The following GPC5 variants were observed in gnomAD, a reference collection of about 807,000 sequenced individuals.
GPC5 encodes the protein glypican 5.
GPC5 carries 47 observed loss-of-function variants against 53.9 expected under a neutral mutation model. That is an observed-to-expected ratio of 0.87 (90% confidence interval 0.69 to 1.11). The LOEUF (loss-of-function observed/expected upper bound fraction) is 1.11. Ranked by LOEUF, GPC5 falls within the 50% of genes most tolerant of loss-of-function variation. The probability of loss-of-function intolerance (pLI) is 0.00; values close to 1 mark genes in which losing one functional copy is unlikely to be tolerated. For synonymous variants in GPC5, 286 were observed against 263.3 expected, an observed-to-expected ratio of 1.09 and a Z score of -0.84; for missense variants, 748 against 713.1, an observed-to-expected ratio of 1.05 and a Z score of -0.56.
At chr13:91,601,473 C>A (rs1254057449) in intron 2 of GPC5, among the ~76,000 whole-genome samples, 1 of 152,152 alleles carries the variant, frequency 6.6e-6, no homozygotes, top group African/African-American at 2.4e-5. Flanking sequence ...CCCTACCAGT[C>A]CGTGGCCTGT....
At chr13:91,739,679 G>A (rs748562593) in intron 4 of GPC5, among the ~76,000 whole-genome samples, 14 of 151,262 alleles carry the variant, frequency 9.3e-5, no homozygotes, top group Admixed American at 7.9e-4. Context: ...TTCACATTGC[G>A]GCTAACTTCC....
rs1273583920 is a variant in GPC5 at position 92,347,917 on chromosome 13, A to G, written c.1561+202928A>G. 4.2e-3 allele frequency among the ~76,000 whole-genome samples: 66 copies of G among 15,836 alleles called. 24 individuals carry two copies. Among genetic ancestry groups the G allele is most frequent in the Admixed American group, 8.2e-3 (8 of 976 alleles). 10.4% of individuals were successfully genotyped at this position (15,836 alleles called of 152,430 possible). ...TATATATATAATATATATATAATATATATATATTATATATACATCTTATAT... is the reference window on the plus strand; with the variant it reads ...TATATATATAATATATATATAATATGTATATATTATATATACATCTTATAT... On this transcript the variant is annotated intron_variant, in intron 7 of 7. Coordinates refer to ENST00000377067, the MANE Select transcript of GPC5 (RefSeq NM_004466.6).
At chr13:91,572,044 C>CACACATATGTATATATACATGTATATAA (rs1566516711) in intron 2 of GPC5, among the ~76,000 whole-genome samples, 1 of 103,104 alleles carries the variant, frequency 9.7e-6, no homozygotes, top group Non-Finnish European at 1.8e-5. Context: ...TGTGTATATA[C>CACACATATGTATATATACATGTATATAA]ACACATATGT....
rs1225690513 is a variant in GPC5 at position 92,152,301 on chromosome 13, G to A, written c.1561+7312G>A. On this transcript the variant is annotated intron_variant, in intron 7 of 7. Transcript: ENST00000377067. ...AATAAAATTAGTATATCTTGAACAA[G>A]TAACTTCTCTCCTACCTTGTACAAG... Among the ~76,000 whole-genome samples the A allele has an allele frequency of 3.3e-5, 5 of 152,216 alleles. No individual in the cohort carries two copies. In the South Asian group the frequency reaches 6.2e-4, roughly 19 times the overall value.
chr13:92,494,526 AT>A (rs1184446135), intron 7 of GPC5, among the ~76,000 whole-genome samples: 1 of 151,992 alleles, frequency 6.6e-6, no homozygotes, highest in Non-Finnish European at 1.5e-5. Context: ...TTATTTGCAA[AT>A]TTTTCTTTTC....
intron 7 of GPC5, among the ~76,000 whole-genome samples, chr13:92,431,801 A>G (rs1313859710): frequency 6.6e-6 from 1 of 152,156 alleles, no homozygotes; most frequent in Non-Finnish European, 1.5e-5. Flanking sequence ...ACTGTTTAAA[A>G]GGCTGTTTAT....
intron 7 of GPC5, among the ~76,000 whole-genome samples, chr13:92,468,328 G>A (rs1271691557): frequency 6.6e-6 from 1 of 152,140 alleles, no homozygotes; most frequent in Non-Finnish European, 1.5e-5. Flanking sequence ...AGGAAGTGAA[G>A]TGGGAATAGA....
At chr13:91,713,649 A>G (rs1455394893) in intron 3 of GPC5, among the ~76,000 whole-genome samples, 1 of 152,106 alleles carries the variant, frequency 6.6e-6, no homozygotes, top group Non-Finnish European at 1.5e-5. Context: ...TTTCTACTTG[A>G]CACTTTCTCT....
intron 7 of GPC5, among the ~76,000 whole-genome samples, chr13:92,418,882 G>T (rs1250483440): frequency 1.3e-5 from 2 of 152,146 alleles, no homozygotes; most frequent in Non-Finnish European, 2.9e-5. Flanking sequence ...CAGTACTTTT[G>T]CCCGAAGAAA....
chr13:92,492,332 C>G (rs1441357331), intron 7 of GPC5, among the ~76,000 whole-genome samples: 1 of 151,262 alleles, frequency 6.6e-6, no homozygotes, highest in African/African-American at 2.4e-5. Context: ...ACATCACACA[C>G]AGTGCCTGTT....
chr13:92,604,834 C>G (rs76626245), intron 7 of GPC5, among the ~76,000 whole-genome samples: 1 of 152,050 alleles, frequency 6.6e-6, no homozygotes, highest in East Asian at 1.9e-4. Context: ...TAGATTTTTC[C>G]GGACAATACA....
intron 7 of GPC5, among the ~76,000 whole-genome samples, chr13:92,309,853 C>T (rs2043134123): frequency 6.6e-6 from 1 of 152,026 alleles, no homozygotes; most frequent in South Asian, 2.1e-4. Flanking sequence ...TGTATTTAAC[C>T]TATTTAGCTA....
At chr13:92,595,329 A>G (rs1219500004) in intron 7 of GPC5, among the ~76,000 whole-genome samples, 2 of 152,200 alleles carry the variant, frequency 1.3e-5, no homozygotes, top group African/African-American at 4.8e-5. Flanking sequence ...GATCATCTAC[A>G]TCATTCTCTC....
At chr13:91,692,607 G>T (rs540158513) in intron 2 of GPC5, among the ~76,000 whole-genome samples, 1 of 152,084 alleles carries the variant, frequency 6.6e-6, no homozygotes, top group Non-Finnish European at 1.5e-5. Context: ...ATAGAATAAA[G>T]TAAGAAACTA....
chr13:92,719,648 T>C lies in GPC5; in HGVS notation c.1562-146634T>C, dbSNP rs375051054. ...TAACAAGTATATAGAGAGTAAGATATTATAATCCCAAATTTGCCCAAGTCA... is the reference window on the plus strand; with the variant it reads ...TAACAAGTATATAGAGAGTAAGATACTATAATCCCAAATTTGCCCAAGTCA... On this transcript the variant is annotated intron_variant, in intron 7 of 7. Coordinates refer to ENST00000377067, the MANE Select transcript of GPC5 (RefSeq NM_004466.6). 7.0e-4 allele frequency among the ~76,000 whole-genome samples: 106 copies of C among 152,296 alleles called. No individual in the cohort carries two copies. The South Asian group carries it at 0.021, about 30-fold the overall frequency.
chr13:92,239,395 A>G (rs935248782), intron 7 of GPC5, among the ~76,000 whole-genome samples: 1 of 151,972 alleles, frequency 6.6e-6, no homozygotes, highest in African/African-American at 2.4e-5. Flanking sequence ...TTACTTATTG[A>G]TGCAAAATCA....
intron 5 of GPC5, among the ~76,000 whole-genome samples, chr13:91,792,288 CAT>C (rs1399653223): frequency 6.6e-6 from 1 of 152,196 alleles, no homozygotes; most frequent in Non-Finnish European, 1.5e-5. Context: ...TATAGTAACA[CAT>C]GTTAACTATG....
At chr13:92,394,937 G>A in intron 7 of GPC5, among the ~76,000 whole-genome samples, 1 of 152,104 alleles carries the variant, frequency 6.6e-6, no homozygotes, top group East Asian at 1.9e-4. Flanking sequence ...TAATGACTAT[G>A]TCGTTTATTG....
At chr13:91,499,918 A>G (rs762962909) in intron 2 of GPC5, among the ~76,000 whole-genome samples, 2 of 152,238 alleles carry the variant, frequency 1.3e-5, no homozygotes, top group Non-Finnish European at 2.9e-5. Context: ...GCCTGTCTCT[A>G]CAGGAAGTGA....
Sources: allele counts gnomAD v4.1 joint callset (sites outside exome capture counted in the v4.1 genomes callset), GRCh38; gene constraint gnomAD v4.1.1; transcripts MANE v1.5; gene names NCBI Gene and HGNC (gene_info 2026-07-23, HGNC 2026-07-21).